NAV2: variants seen among roughly 807,000 people sequenced by gnomAD.
NAV2 encodes neuron navigator 2.
Under a neutral mutation model 223.2 loss-of-function variants are expected in NAV2, and 54 were observed. That is an observed-to-expected ratio of 0.24 (90% CI 0.19 to 0.30). The LOEUF is 0.30. NAV2 is among the 10% of genes least tolerant of loss of function. The pLI is 1.00. For synonymous variants in NAV2, 1,279 were observed against 1,239.3 expected (o/e 1.03, Z -0.67); for missense variants, 2,806 against 3,147.5 (o/e 0.89, Z 2.60).
chr11:19,399,878 C>T (rs951152343), intron 1 of NAV2, among the ~76,000 whole-genome samples: 13 of 152,084 alleles, frequency 8.5e-5, no homozygotes, highest in East Asian at 7.7e-4. Flanking sequence ...TCTAGGAGTA[C>T]GGAAGAGAAG....
intron 1 of NAV2, among the ~76,000 whole-genome samples, chr11:19,672,971 T>A (rs892021805): frequency 1.3e-5 from 2 of 152,162 alleles, no homozygotes; most frequent in Non-Finnish European, 2.9e-5. Flanking sequence ...TCAAAAGGAA[T>A]TTGAGACAGG....
intron 5 of NAV2, among the ~76,000 whole-genome samples, chr11:19,891,068 G>A (rs1242163895): frequency 6.6e-6 from 1 of 152,130 alleles, no homozygotes; most frequent in Non-Finnish European, 1.5e-5. Flanking sequence ...ACCAGCTCAT[G>A]TTCTCTGTTT....
chr11:20,035,185 T>A (rs887859555), intron 11 of NAV2, among the ~76,000 whole-genome samples: 8 of 151,796 alleles, frequency 5.3e-5, no homozygotes, highest in African/African-American at 1.7e-4. Context: ...GACCGCACCA[T>A]GAACTGCAGG....
intron 1 of NAV2, among the ~76,000 whole-genome samples, chr11:19,462,044 C>G (rs1357090532): frequency 6.6e-6 from 1 of 152,090 alleles, no homozygotes; most frequent in Non-Finnish European, 1.5e-5. Context: ...CCTGACCTCA[C>G]GTCATCCACC....
At position 20,003,443 on chromosome 11, in the gene NAV2, A is replaced by G. The variant is rs74853291; in HGVS notation, c.2768+19196A>G. On this transcript the variant is annotated intron_variant, in intron 11 of 37. Coordinates refer to ENST00000349880, the MANE Select transcript of NAV2 (RefSeq NM_145117.5). ...CAAGCAAGTGACTAGAAACAGGACC[A>G]GAATCCGGGTCCTCTGACCCTGCAA... 6.4e-3 allele frequency among the ~76,000 whole-genome samples: 969 copies of G among 152,324 alleles called. 9 individuals carry two copies. Among genetic ancestry groups the G allele is most frequent in the African/African-American group, 0.022 (934 of 41,568 alleles).
chr11:19,791,400 C>T (rs1018041883), intron 1 of NAV2, among the ~76,000 whole-genome samples: 3 of 152,158 alleles, frequency 2.0e-5, no homozygotes, highest in African/African-American at 4.8e-5. Flanking sequence ...ACGTCAAGCC[C>T]GCCAAGTTCC....
intron 1 of NAV2, among the ~76,000 whole-genome samples, chr11:19,588,634 T>G (rs1489616882): frequency 6.6e-6 from 1 of 152,206 alleles, no homozygotes; most frequent in African/African-American, 2.4e-5. Flanking sequence ...AGACATAGGT[T>G]GGAGGGCCTA....
intron 20 of NAV2, among the ~76,000 whole-genome samples, chr11:20,065,866 A>G (rs900595187): frequency 1.3e-5 from 2 of 152,322 alleles, no homozygotes; most frequent in Non-Finnish European, 2.9e-5. Flanking sequence ...TACCCTTTGG[A>G]TTGAACTTGG....
At chr11:19,442,100 T>G (rs1327708333) in intron 1 of NAV2, among the ~76,000 whole-genome samples, 1 of 152,156 alleles carries the variant, frequency 6.6e-6, no homozygotes, top group Non-Finnish European at 1.5e-5. Flanking sequence ...GGTCTAGCAA[T>G]CTCCAGTTTT....
intron 6 of NAV2, among the ~76,000 whole-genome samples, chr11:19,924,596 A>G (rs1440481364): frequency 1.3e-5 from 2 of 152,212 alleles, no homozygotes; most frequent in African/African-American, 4.8e-5. Context: ...TTTATTTTTG[A>G]TCAAACTGTC....
At chr11:19,484,544 C>T (rs2042381912) in intron 1 of NAV2, among the ~76,000 whole-genome samples, 1 of 152,248 alleles carries the variant, frequency 6.6e-6, no homozygotes, top group Non-Finnish European at 1.5e-5. Flanking sequence ...GTCCATTCTC[C>T]TAGACCTTGG....
chr11:19,612,120 C>T (rs1253935131), intron 1 of NAV2, among the ~76,000 whole-genome samples: 1 of 152,222 alleles, frequency 6.6e-6, no homozygotes, highest in African/African-American at 2.4e-5. Flanking sequence ...AGCCATGGCC[C>T]AAGCTCTACA....
chr11:20,071,311 A>G (rs1350659451), intron 22 of NAV2, among the ~76,000 whole-genome samples: 1 of 152,196 alleles, frequency 6.6e-6, no homozygotes, highest in Non-Finnish European at 1.5e-5. Context: ...TTATGGCTGC[A>G]TAGAATTCCA....
intron 5 of NAV2, among the ~76,000 whole-genome samples, chr11:19,882,727 T>C (rs1289648059): frequency 6.6e-6 from 1 of 152,350 alleles, no homozygotes; most frequent in East Asian, 1.9e-4. Context: ...CCAAACTTAC[T>C]TGAGTCAGGT....
chr11:20,109,127 A>G (rs1010986818), intron 36 of NAV2, among the ~76,000 whole-genome samples: 2 of 152,224 alleles, frequency 1.3e-5, no homozygotes, highest in African/African-American at 2.4e-5. Context: ...GGAGTATTCA[A>G]CTATTTTCTA....
intron 1 of NAV2, among the ~76,000 whole-genome samples, chr11:19,688,899 C>T (rs1242195868): frequency 6.6e-6 from 1 of 152,124 alleles, no homozygotes; most frequent in Non-Finnish European, 1.5e-5. Context: ...TCCCCTTTCA[C>T]TGCACAAAGA....
chr11:19,641,830 TCACAGCC>T (rs1216920216), intron 1 of NAV2, among the ~76,000 whole-genome samples: 3 of 152,078 alleles, frequency 2.0e-5, no homozygotes, highest in Admixed American at 2.0e-4. Context: ...CCACTCTCTT[TCACAGCC>T]CTTTGTCTAT....
chr11:19,664,395 C>T (rs945952652), intron 1 of NAV2, among the ~76,000 whole-genome samples: 1 of 152,170 alleles, frequency 6.6e-6, no homozygotes, highest in Non-Finnish European at 1.5e-5. Flanking sequence ...CCTGTCTGTG[C>T]TTCCCTATTG....
At chr11:19,545,583 G>C (rs1054078221) in intron 1 of NAV2, among the ~76,000 whole-genome samples, 4 of 152,102 alleles carry the variant, frequency 2.6e-5, no homozygotes, top group African/African-American at 9.7e-5. Flanking sequence ...ACTGAATCAG[G>C]AAAGTGGTAG....
Sources: gnomAD v4.1 joint callset for allele counts (sites outside exome capture counted in the v4.1 genomes callset) on GRCh38, gnomAD v4.1.1 for gene constraint, MANE v1.5 for transcripts, NCBI Gene and HGNC (gene_info 2026-07-23, HGNC 2026-07-21) for gene names.